Variants in BRI3BP observed in about 807,000 individuals in gnomAD.
The protein encoded by BRI3BP is BRI3-binding protein.
A neutral mutation model predicts 15.8 loss-of-function variants in BRI3BP; 7 were observed. That is an observed-to-expected ratio of 0.44 (90% confidence interval 0.25 to 0.83). The LOEUF is 0.83. Among genes scored for constraint, BRI3BP ranks in the 40% least tolerant of loss-of-function variants. The probability of loss-of-function intolerance (pLI) is 0.20; values close to 1 mark genes in which losing one functional copy is unlikely to be tolerated. For synonymous variants in BRI3BP, 192 were observed against 163.5 expected, an observed-to-expected ratio of 1.17 and a Z score of -1.33; for missense variants, 320 against 339.3, an observed-to-expected ratio of 0.94 and a Z score of 0.45.
At position 124,999,688 on chromosome 12, in the gene BRI3BP, G is replaced by C. The variant is rs1955067860; in HGVS notation, c.213+5685G>C. ...GCTGGAGTGCAGTGGCGCAATTTCG[G>C]CTCACTGCAAGCTCCACCTCCTGGG... On this transcript the variant is annotated intron_variant, in intron 1 of 2. Coordinates refer to ENST00000341446, the MANE Select transcript of BRI3BP (RefSeq NM_080626.6). 2.0e-5 allele frequency among the ~76,000 whole-genome samples: 3 copies of C among 150,302 alleles called. No homozygotes were observed. The South Asian group carries it at 6.3e-4, about 32-fold the overall frequency.
chr12:125,046,883 T>C, the BRI3BP span, among the ~76,000 whole-genome samples: 1 of 152,226 alleles, frequency 6.6e-6, no homozygotes, highest in Non-Finnish European at 1.5e-5. Context: ...TGTTTGTTTT[T>C]GGATCAAGAC....
intron 2 of BRI3BP, among the ~76,000 whole-genome samples, chr12:125,017,154 G>A (rs1383485692): frequency 6.6e-6 from 1 of 151,746 alleles, no homozygotes; most frequent in Non-Finnish European, 1.5e-5. Context: ...CGAGTAGCTG[G>A]GATTACAGGC....
rs544206134 is a variant in BRI3BP at position 125,026,766 on chromosome 12, A to G, written c.*1336A>G. ...CAGGAGTTCAAGACCAGCCTGGCCA[A>G]CATGGTGAAACCCCCGTCTCTACTA... is the stretch of plus-strand genomic sequence containing the variant. On this transcript the variant is annotated 3_prime_UTR_variant, in exon 3 of 3. Transcript: ENST00000341446. 1.3e-5 allele frequency: 2 copies of G among 152,330 alleles called. No individual in the cohort carries two copies. The highest frequency in any genetic ancestry group is 4.2e-4 in the South Asian group (2 of 4,818). The allele number at this position is 152,330 out of a possible 1,614,324, so 9.4% of individuals were successfully genotyped here. A position where few individuals can be genotyped will look rare whatever the true frequency, so the allele number is the denominator to read the frequency against.
chr12:125,032,280 G>A (rs1053151378), downstream of BRI3BP, among the ~76,000 whole-genome samples: 6 of 151,936 alleles, frequency 3.9e-5, no homozygotes, highest in African/African-American at 1.5e-4. Flanking sequence ...GGCTAACATG[G>A]TGAAACCCCG....
At chr12:125,003,626 C>G (rs1359031932) in intron 1 of BRI3BP, among the ~76,000 whole-genome samples, 1 of 152,060 alleles carries the variant, frequency 6.6e-6, no homozygotes, top group African/African-American at 2.4e-5. Context: ...TTTCAGTTAG[C>G]ATCTTTAACA....
intron 2 of BRI3BP, among the ~76,000 whole-genome samples, chr12:125,022,951 G>A (rs1048714119): frequency 1.3e-5 from 2 of 152,194 alleles, no homozygotes; most frequent in African/African-American, 2.4e-5. Context: ...TGTAAATAGA[G>A]AATGCAACAT....
chr12:125,018,529 G>A (rs890487250), intron 2 of BRI3BP, among the ~76,000 whole-genome samples: 3 of 152,128 alleles, frequency 2.0e-5, no homozygotes, highest in Admixed American at 1.3e-4. Context: ...TGGCAGTCAC[G>A]GAGTGCCAAG....
intron 1 of BRI3BP, among the ~76,000 whole-genome samples, chr12:124,996,312 A>T (rs960764315): frequency 1.3e-5 from 2 of 151,838 alleles, no homozygotes; most frequent in African/African-American, 4.8e-5. Context: ...TTAATTAATT[A>T]ATTTATTTTT....
chr12:125,034,299 G>A (rs1955427449), downstream of BRI3BP, among the ~76,000 whole-genome samples: 1 of 151,990 alleles, frequency 6.6e-6, no homozygotes, highest in Non-Finnish European at 1.5e-5. Flanking sequence ...GCCCGCCTCG[G>A]CCTCCCAAAG....
At chr12:125,043,278 T>C in the BRI3BP span, among the ~76,000 whole-genome samples, 1 of 152,170 alleles carries the variant, frequency 6.6e-6, no homozygotes. Context: ...AGGCTAAGCG[T>C]GCAGGCTCAT....
chr12:125,012,466 C>T (rs1040665620), intron 1 of BRI3BP, 68 bp from the exon 2 acceptor site: 288 of 1,315,660 alleles, frequency 2.2e-4, no homozygotes, highest in Non-Finnish European at 2.4e-4. Context: ...TCCCAAGCTC[C>T]CCAGTTCACT....
At chr12:125,012,510 A>G (rs1432527144) in intron 1 of BRI3BP, 24 bp from the exon 2 acceptor site, 3 of 1,544,924 alleles carry the variant, frequency 1.9e-6, no homozygotes, top group African/African-American at 2.7e-5. Flanking sequence ...TGATTGGGTG[A>G]TGACCGTTTT....
At chr12:125,011,618 A>G (rs567592451) in intron 1 of BRI3BP, among the ~76,000 whole-genome samples, 1 of 152,228 alleles carries the variant, frequency 6.6e-6, no homozygotes, top group Admixed American at 6.5e-5. Context: ...GTTCCTCCGG[A>G]GGGGGATTCC....
intron 1 of BRI3BP, among the ~76,000 whole-genome samples, chr12:125,002,449 T>TG (rs1565902195): frequency 1.4e-5 from 2 of 147,404 alleles, no homozygotes; most frequent in Admixed American, 7.1e-5. Context: ...AACTGGTTTT[T>TG]TTTTTTGTTT....
intron 2 of BRI3BP, among the ~76,000 whole-genome samples, chr12:125,020,920 T>C (rs1955293488): frequency 6.6e-6 from 1 of 152,050 alleles, no homozygotes; most frequent in Non-Finnish European, 1.5e-5. Flanking sequence ...AAAAGATAAT[T>C]AACAACTAAT....
intron 2 of BRI3BP, among the ~76,000 whole-genome samples, chr12:125,014,409 A>G (rs1955223178): frequency 6.6e-6 from 1 of 152,200 alleles, no homozygotes; most frequent in Admixed American, 6.5e-5. Context: ...GGCAGGACTC[A>G]GCATATAGTT....
downstream of BRI3BP, among the ~76,000 whole-genome samples, chr12:125,034,651 G>A (rs757015433): frequency 4.6e-5 from 7 of 151,754 alleles, no homozygotes; most frequent in African/African-American, 9.7e-5. Flanking sequence ...GTGCAGTGGC[G>A]CAATCTTGGC....
At chr12:125,032,051 G>A (rs1227763154), downstream of BRI3BP, among the ~76,000 whole-genome samples, 3 of 152,166 alleles carry the variant, frequency 2.0e-5, no homozygotes, top group East Asian at 5.8e-4. Flanking sequence ...GGTGAGCGGG[G>A]GCGGTGAGGC....
rs890426147 is a variant in BRI3BP, at chr12:125,024,905, A to G, written c.317-86A>G. On this transcript the variant is annotated intron_variant, in intron 2 of 2. Coordinates refer to ENST00000341446, the MANE Select transcript of BRI3BP (RefSeq NM_080626.6). Reference sequence around the variant, plus strand: ...GTTGCAAAGGCCTTTTAAGCCCCACAGGCCAGCTCAACTATCCAATTCTAG... The same window carrying G: ...GTTGCAAAGGCCTTTTAAGCCCCACGGGCCAGCTCAACTATCCAATTCTAG... 1.6e-5 allele frequency: 20 copies of G among 1,262,378 alleles called. No individual in the cohort carries two copies. In the East Asian group the frequency reaches 4.8e-4, roughly 30 times the overall value. 78.2% of individuals were successfully genotyped at this position (1,262,378 alleles called of 1,614,324 possible).
Sources: allele counts gnomAD v4.1 joint callset (sites outside exome capture counted in the v4.1 genomes callset), GRCh38; gene constraint gnomAD v4.1.1; transcripts MANE v1.5; gene names NCBI Gene and HGNC (gene_info 2026-07-23, HGNC 2026-07-21).